Variants in AHNAK observed in about 807,000 individuals in gnomAD.
The protein encoded by AHNAK is neuroblast differentiation-associated protein AHNAK.
A neutral mutation model predicts 37.8 loss-of-function variants in AHNAK; 23 were observed. That is an observed-to-expected ratio of 0.61 (90% CI 0.44 to 0.86). The LOEUF (loss-of-function observed/expected upper bound fraction) is 0.86, where lower values mean the gene tolerates loss of function less well. AHNAK is among the 40% of genes least tolerant of loss of function. The pLI, the probability that AHNAK is intolerant of heterozygous loss-of-function variation, is 0.00. For missense variants in AHNAK, 7,411 were observed against 7,319.4 expected, an observed-to-expected ratio of 1.01 and a Z score of -0.46; for synonymous variants, 2,481 against 2,636.3, an observed-to-expected ratio of 0.94 and a Z score of 1.80.
chr11:62,452,751 G>T (rs982194674), intron 5 of AHNAK, among the ~76,000 whole-genome samples: 2 of 152,170 alleles, frequency 1.3e-5, no homozygotes, highest in African/African-American at 4.8e-5. Flanking sequence ...GCCGGGCGCG[G>T]TGGCTTACCG....
Position 62,523,271 on chromosome 11 carries a change from T to G in AHNAK, c.11146A>C (p.Thr3716Pro), listed in dbSNP as rs943350938. 2 of 1,612,108 alleles carry G rather than the reference T, an allele frequency of 1.2e-6. No individual in the cohort carries two copies. Among genetic ancestry groups the G allele is most frequent in the Non-Finnish European group, 1.7e-6 (2 of 1,179,380 alleles). Reference sequence around the variant, plus strand: ...GAGCCTTCGATGTTAATGTCAGGAGTGTCAATGTCCACTTTGGGGCCCTTG... The same window carrying G: ...GAGCCTTCGATGTTAATGTCAGGAGGGTCAATGTCCACTTTGGGGCCCTTG... ...DIKGPKVDID[T>P]PDINIEGSEG... Residue 3716 changes from threonine to proline, a missense_variant, in exon 5 of 5, where the codon ACT becomes CCT. By Grantham distance (38) the Thr-to-Pro change is conservative. Coordinates refer to ENST00000378024, the MANE Select transcript of AHNAK (RefSeq NM_001620.3).
chr11:62,463,449 C>CTCCTCCA (rs1555021177), intron 5 of AHNAK, among the ~76,000 whole-genome samples: 18 of 118,934 alleles, frequency 1.5e-4, no homozygotes, highest in Non-Finnish European at 1.2e-4. Flanking sequence ...CTCCGCTCCT[C>CTCCTCCA]TCCTCCATCC....
At chr11:62,478,299 G>A (rs947096945) in intron 5 of AHNAK, among the ~76,000 whole-genome samples, 8 of 152,230 alleles carry the variant, frequency 5.3e-5, no homozygotes, top group African/African-American at 1.9e-4. Context: ...CACTAAGACT[G>A]GACCCTCCAG....
At chr11:62,436,079 G>C (rs1305185202) in intron 5 of AHNAK, among the ~76,000 whole-genome samples, 1 of 152,188 alleles carries the variant, frequency 6.6e-6, no homozygotes, top group South Asian at 2.1e-4. Flanking sequence ...AGTATTGACA[G>C]CTCTAGCCCA....
At chr11:62,467,459 C>T (rs577832003) in intron 5 of AHNAK, among the ~76,000 whole-genome samples, 1 of 152,060 alleles carries the variant, frequency 6.6e-6, no homozygotes, top group Non-Finnish European at 1.5e-5. Context: ...CCGAGGCAGA[C>T]GGATCACCTG....
At position 62,520,754 on chromosome 11, in the gene AHNAK, C is replaced by T. The variant is rs748969892; in HGVS notation, c.13663G>A (p.Val4555Ile). ...EGDLKGPKVD[V>I]KGPKVGIDTP... ...TCAATGCCCACTTTAGGGCCTTTGA[C>T]ATCCACTTTGGGACCTTTCAGATCT... is the stretch of plus-strand genomic sequence containing the variant. The change falls in exon 5 of 5, where the codon GTC (valine) becomes ATC (isoleucine). Residue 4555 changes from valine to isoleucine, a missense_variant. Transcript: ENST00000378024. 6.2e-7 allele frequency: 1 copy of T among 1,614,110 alleles called. No individual in the cohort carries two copies. The highest frequency in any genetic ancestry group is 1.7e-5 in the Admixed American group (1 of 60,010).
intron 4 of AHNAK, among the ~76,000 whole-genome samples, chr11:62,500,519 C>T (rs892607326): frequency 1.3e-5 from 2 of 152,182 alleles, no homozygotes; most frequent in East Asian, 3.8e-4. Flanking sequence ...CCCAAACCTA[C>T]GTGCTGTCCC....
At chr11:62,490,140 A>G (rs1230525201) in intron 5 of AHNAK, among the ~76,000 whole-genome samples, 1 of 151,404 alleles carries the variant, frequency 6.6e-6, no homozygotes, top group East Asian at 1.9e-4. Context: ...CTCTCAAAGA[A>G]TAGCACCACA....
intron 5 of AHNAK, among the ~76,000 whole-genome samples, chr11:62,442,846 C>T (rs1239422739): frequency 2.7e-5 from 4 of 150,448 alleles, no homozygotes; most frequent in African/African-American, 4.9e-5. Context: ...CCAGCCTGGG[C>T]AAGACAGAGC....
chr11:62,537,771 C>T (rs1161294176), intron 1 of AHNAK, among the ~76,000 whole-genome samples: 1 of 152,056 alleles, frequency 6.6e-6, no homozygotes, highest in Non-Finnish European at 1.5e-5. Flanking sequence ...CAACCTCCCC[C>T]TCCCAGGTTC....
At chr11:62,433,751 A>C in exon 6 of AHNAK, 2 of 1,304,100 alleles carry the variant, frequency 1.5e-6, no homozygotes, top group Non-Finnish European at 2.2e-6. Context: ...CGCCTCGCGG[A>C]AGGTATTCCT....
At position 62,530,965 on chromosome 11, in the gene AHNAK, G is replaced by C. The variant is rs770615286; in HGVS notation, c.3452C>G (p.Pro1151Arg). The C allele has an allele frequency of 1.9e-6, 3 of 1,613,996 alleles. No homozygotes were observed. The highest frequency in any genetic ancestry group is 3.3e-5 in the Admixed American group (2 of 60,004). The change falls in exon 5 of 5, where the codon CCT becomes CGT. Residue 1151 changes from proline (P) to arginine (R), a missense_variant. Pro to Arg is a moderately radical substitution (Grantham distance 103). Coordinates refer to ENST00000378024, the MANE Select transcript of AHNAK (RefSeq NM_001620.3). ...GEGPEVDVNL[P>R]KADVVVSGPK... ...TCCTGAGACAACAACGTCAGCCTTAGGCAAGTTCACATCCACTTCTGGGCC... is the reference window on the plus strand; with the variant it reads ...TCCTGAGACAACAACGTCAGCCTTACGCAAGTTCACATCCACTTCTGGGCC...
intron 5 of AHNAK, among the ~76,000 whole-genome samples, chr11:62,475,265 T>G (rs1392628303): frequency 1.3e-5 from 2 of 152,018 alleles, no homozygotes; most frequent in Non-Finnish European, 2.9e-5. Flanking sequence ...ATCGCACCAT[T>G]GCACTCCAAC....
intron 5 of AHNAK, among the ~76,000 whole-genome samples, chr11:62,461,188 C>T (rs572040456): frequency 5.2e-4 from 71 of 136,124 alleles, no homozygotes; most frequent in African/African-American, 1.8e-3. Flanking sequence ...ACCCTGTCAC[C>T]AAGCTGGAAT....
chr11:62,437,220 C>G (rs1370960288), intron 5 of AHNAK, among the ~76,000 whole-genome samples: 1 of 152,202 alleles, frequency 6.6e-6, no homozygotes, highest in Non-Finnish European at 1.5e-5. Flanking sequence ...GCATAGTACT[C>G]TTATATGAAT....
rs11288520 is a variant in AHNAK, at chr11:62,486,758, GTT to G, written c.442+4972_442+4973del. Among the ~76,000 whole-genome samples the G allele has an allele frequency of 5.4e-3, 814 of 149,730 alleles. 8 individuals are homozygous for G. The highest frequency in any genetic ancestry group is 0.018 in the African/African-American group (738 of 40,892). On this transcript the variant is annotated intron_variant, in intron 5 of 5. Transcript: ENST00000257247. ...TTATGTTATGTCTATTTTACCACCA[GTT>G]TTTTTTTTTCTTTACATAGATGGAG...
intron 4 of AHNAK, among the ~76,000 whole-genome samples, chr11:62,495,049 C>G (rs1223547592): frequency 6.6e-6 from 1 of 151,766 alleles, no homozygotes; most frequent in African/African-American, 2.4e-5. Flanking sequence ...GCCTGTGGTC[C>G]CAGCTACTCA....
chr11:62,463,172 C>A (rs1158476679), intron 5 of AHNAK, among the ~76,000 whole-genome samples: 1 of 150,922 alleles, frequency 6.6e-6, no homozygotes, highest in Non-Finnish European at 1.5e-5. Context: ...TCTCCATCTG[C>A]CAGTCCTACA....
At chr11:62,481,409 G>T (rs1232642068) in intron 5 of AHNAK, among the ~76,000 whole-genome samples, 1 of 150,812 alleles carries the variant, frequency 6.6e-6, no homozygotes, top group Non-Finnish European at 1.5e-5. Context: ...ACCTGGCCTT[G>T]GGCTTCCCCT....
Sources: gnomAD v4.1 joint callset for allele counts (sites outside exome capture counted in the v4.1 genomes callset) on GRCh38, gnomAD v4.1.1 for gene constraint, MANE v1.5 for transcripts, NCBI Gene and HGNC (gene_info 2026-07-23, HGNC 2026-07-21) for gene names.